GRM7: variants seen among roughly 807,000 people sequenced by gnomAD.
GRM7 encodes metabotropic glutamate receptor 7.
In GRM7, 35 loss-of-function variants were observed where a neutral mutation model predicts 84.5. The observed-to-expected ratio is 0.41, with a 90% CI of 0.32 to 0.55. The LOEUF (loss-of-function observed/expected upper bound fraction) is 0.55. Ranked by LOEUF, GRM7 falls within the 20% of genes least tolerant of loss-of-function variation. The pLI is 0.19. For missense variants in GRM7, 1,003 were observed against 1,194.6 expected (o/e 0.84, Z 2.36); for synonymous variants, 487 against 455.1 (o/e 1.07, Z -0.89).
intron 1 of GRM7, among the ~76,000 whole-genome samples, chr3:6,919,142 C>A (rs1697036030): frequency 6.6e-6 from 1 of 151,984 alleles, no homozygotes; most frequent in African/African-American, 2.4e-5. Flanking sequence ...AATTTTGGTT[C>A]TTTATGTATG....
At chr3:7,075,496 A>ATGTG (rs376048569) in intron 1 of GRM7, among the ~76,000 whole-genome samples, 18,564 of 137,894 alleles carry the variant, frequency 0.13, 1,329 homozygotes, top group Non-Finnish European at 0.16. Flanking sequence ...TGCTTCTCAG[A>ATGTG]TGTGTGTGTG....
chr3:6,868,285 A>G (rs746451348), intron 1 of GRM7, among the ~76,000 whole-genome samples: 5 of 152,200 alleles, frequency 3.3e-5, no homozygotes, highest in Non-Finnish European at 7.3e-5. Flanking sequence ...CAGTTGTTGC[A>G]CAAATGCATA....
At chr3:7,245,491 T>G (rs1374751836) in intron 2 of GRM7, among the ~76,000 whole-genome samples, 3 of 151,790 alleles carry the variant, frequency 2.0e-5, no homozygotes, top group African/African-American at 4.8e-5. Flanking sequence ...AAGATAAAGA[T>G]ACATCCTTAA....
intron 1 of GRM7, among the ~76,000 whole-genome samples, chr3:7,089,755 A>G (rs1698596547): frequency 6.6e-6 from 1 of 152,220 alleles, no homozygotes; most frequent in Non-Finnish European, 1.5e-5. Flanking sequence ...AGGAGCTTGT[A>G]GTTAGGGAAT....
At chr3:6,976,278 ATGT>A (rs1307300562) in intron 1 of GRM7, among the ~76,000 whole-genome samples, 3 of 152,236 alleles carry the variant, frequency 2.0e-5, no homozygotes, top group Admixed American at 1.3e-4. Context: ...ATTTTACTAG[ATGT>A]TGTAGAGAAA....
At chr3:6,988,687 C>A (rs574861286) in intron 1 of GRM7, among the ~76,000 whole-genome samples, 5 of 152,234 alleles carry the variant, frequency 3.3e-5, no homozygotes, top group African/African-American at 1.2e-4. Context: ...GAAATTGAAG[C>A]CTTAAAATTT....
intron 4 of GRM7, among the ~76,000 whole-genome samples, chr3:7,345,193 G>C (rs1244588847): frequency 2.0e-5 from 3 of 151,776 alleles, no homozygotes; most frequent in Non-Finnish European, 4.4e-5. Context: ...GTCTGAACTT[G>C]ATCTGAACTC....
At chr3:7,664,108 A>G (rs1484583266) in intron 8 of GRM7, among the ~76,000 whole-genome samples, 2 of 152,186 alleles carry the variant, frequency 1.3e-5, no homozygotes, top group Non-Finnish European at 2.9e-5. Context: ...TCCAGAATCT[A>G]CAAGGGTATG....
chr3:7,045,847 A>G (rs1413734995), intron 1 of GRM7, among the ~76,000 whole-genome samples: 2 of 152,186 alleles, frequency 1.3e-5, no homozygotes, highest in East Asian at 3.8e-4. Context: ...ATACAGAATC[A>G]TAGATATTCC....
At chr3:7,502,205 C>T (rs996977531) in intron 7 of GRM7, among the ~76,000 whole-genome samples, 4 of 152,054 alleles carry the variant, frequency 2.6e-5, no homozygotes, top group Non-Finnish European at 5.9e-5. Context: ...CAGTGACTGC[C>T]ACAATAAACA....
At chr3:7,660,451 T>G (rs1699390145) in intron 8 of GRM7, among the ~76,000 whole-genome samples, 1 of 152,212 alleles carries the variant, frequency 6.6e-6, no homozygotes, top group Non-Finnish European at 1.5e-5. Flanking sequence ...AACAAAATAT[T>G]ATAGATGTAT....
chr3:6,862,013 C>A lies in GRM7; in HGVS notation c.519+106C>A. 1.1e-6 allele frequency: 1 copy of A among 896,194 alleles called. No homozygotes were observed. Among genetic ancestry groups the A allele is most frequent in the Non-Finnish European group, 1.7e-6 (1 of 592,988 alleles). The allele number at this position is 896,194 out of a possible 1,614,324, so 55.5% of individuals were successfully genotyped here. ...GGTGCGGGTCAGGTCAGCCTTCGCT[C>A]ATTTCCTCCCTGGAGATCCTGCCGA... On this transcript the variant is annotated intron_variant, in intron 1 of 9. Coordinates refer to ENST00000357716, the MANE Select transcript of GRM7 (RefSeq NM_000844.4). This position sits in a 1 kb window ranked among gnomAD's most constrained non-coding sequence, Gnocchi z 5.2.
At chr3:7,649,452 T>C (rs1698825126) in intron 8 of GRM7, among the ~76,000 whole-genome samples, 1 of 152,216 alleles carries the variant, frequency 6.6e-6, no homozygotes, top group African/African-American at 2.4e-5. Context: ...ATAAACCTTT[T>C]TGATGAAGGT....
At chr3:7,439,994 T>C (rs1697222112) in intron 5 of GRM7, among the ~76,000 whole-genome samples, 2 of 152,062 alleles carry the variant, frequency 1.3e-5, no homozygotes, top group African/African-American at 2.4e-5. Flanking sequence ...TAAAGTTGCA[T>C]TGAGGAGTAC....
At chr3:7,026,832 G>C (rs1696000605) in intron 1 of GRM7, among the ~76,000 whole-genome samples, 1 of 152,202 alleles carries the variant, frequency 6.6e-6, no homozygotes, top group South Asian at 2.1e-4. Context: ...TTTTAGTGCA[G>C]TAATTCTGGA....
chr3:7,152,969 G>A (rs1694331160), intron 2 of GRM7, among the ~76,000 whole-genome samples: 1 of 151,924 alleles, frequency 6.6e-6, no homozygotes, highest in Non-Finnish European at 1.5e-5. Context: ...AAAAAGGCTG[G>A]GGCGATGGAA....
intron 1 of GRM7, among the ~76,000 whole-genome samples, chr3:6,967,741 C>A (rs780161835): frequency 6.6e-6 from 1 of 152,050 alleles, no homozygotes; most frequent in Non-Finnish European, 1.5e-5. Flanking sequence ...AAATGCTGAA[C>A]CTCAGTGCTT....
In GRM7 at chr3:7,453,030, T is replaced by TTA. The variant is rs35999626; in HGVS notation, c.1375+224_1375+225insAT. Among the ~76,000 whole-genome samples, 37 of 39,692 alleles carry TTA rather than the reference T, an allele frequency of 9.3e-4. 1 individual carries two copies. In the South Asian group the frequency reaches 0.055, roughly 59 times the overall value. The allele number at this position is 39,692 out of a possible 152,430, so 26.0% of individuals were successfully genotyped here. A position where few individuals can be genotyped will look rare whatever the true frequency, so the allele number is the denominator to read the frequency against. ...TGGTCTCATTTTCTTGAAATAGAGA[T>TTA]TTTTTTTTTTTTTTTGCACTATGCC... On this transcript the variant is annotated intron_variant, in intron 6 of 9. Transcript: ENST00000357716.
chr3:7,030,153 T>G (rs1696137548), intron 1 of GRM7, among the ~76,000 whole-genome samples: 1 of 152,178 alleles, frequency 6.6e-6, no homozygotes, highest in Non-Finnish European at 1.5e-5. Flanking sequence ...TTGAGGAATA[T>G]TAAGATAATA....
Sources: gnomAD v4.1 joint callset for allele counts (sites outside exome capture counted in the v4.1 genomes callset) on GRCh38, gnomAD v4.1.1 for gene constraint, Gnocchi (gnomAD v3.1) non-coding constraint, MANE v1.5 for transcripts, NCBI Gene and HGNC (gene_info 2026-07-23, HGNC 2026-07-21) for gene names.